The following SLC48A1 variants were observed in gnomAD, a reference collection of about 807,000 sequenced individuals.
SLC48A1 encodes solute carrier family 48 member 1.
In SLC48A1, 6 loss-of-function variants were observed where a neutral mutation model predicts 14.8. The observed-to-expected ratio is 0.41, with a 90% CI of 0.22 to 0.80. SLC48A1 has a LOEUF of 0.80. Ranked by LOEUF, SLC48A1 falls within the 30% of genes least tolerant of loss-of-function variation. The pLI is 0.34. For missense variants in SLC48A1, 165 were observed against 204.8 expected (o/e 0.81, Z 1.19); for synonymous variants, 89 against 90.0 (o/e 0.99, Z 0.06).
chr12:47,767,381 G>A (rs192148014), upstream of SLC48A1, among the ~76,000 whole-genome samples: 1 of 152,180 alleles, frequency 6.6e-6, no homozygotes, highest in South Asian at 2.1e-4. Flanking sequence ...CTTTTCATAT[G>A]TATTGAATAT....
Position 47,782,004 on chromosome 12 carries a change from C to G in SLC48A1, c.*1723C>G, listed in dbSNP as rs1396982377. On this transcript the variant is annotated 3_prime_UTR_variant, in exon 3 of 3. Transcript: ENST00000442218. ...GGTGTCCACACCCGAGAGGCCAGGC[C>G]AGATGGGAAAGGGATTAGCGCCTCT... 6.6e-6 allele frequency: 1 copy of G among 152,438 alleles called. No individual in the cohort carries two copies. 9.4% of individuals were successfully genotyped at this position (152,438 alleles called of 1,614,324 possible).
At chr12:47,761,784 C>T (rs1942386418) in intron 2 of SLC48A1, among the ~76,000 whole-genome samples, 1 of 152,126 alleles carries the variant, frequency 6.6e-6, no homozygotes, top group South Asian at 2.1e-4. Flanking sequence ...CAACATGCAC[C>T]AGGCCCTGTT....
Position 47,779,208 on chromosome 12 carries a change from C to G in SLC48A1, c.304+13C>G. ...ACCCGGCATCAGAGTGAGGGCGGGTCCCAGGGAAAGAGGGCATGGGAGGGA... is the reference window on the plus strand; with the variant it reads ...ACCCGGCATCAGAGTGAGGGCGGGTGCCAGGGAAAGAGGGCATGGGAGGGA... On this transcript the variant is annotated intron_variant, in intron 2 of 2. Coordinates refer to ENST00000442218, the MANE Select transcript of SLC48A1 (RefSeq NM_017842.3). 6.5e-7 allele frequency: 1 copy of G among 1,547,486 alleles called. No individual in the cohort carries two copies. The highest frequency in any genetic ancestry group is 1.2e-5 in the South Asian group (1 of 83,900).
At chr12:47,775,764 A>G (rs896757807) in intron 1 of SLC48A1, among the ~76,000 whole-genome samples, 1 of 152,140 alleles carries the variant, frequency 6.6e-6, no homozygotes, top group Admixed American at 6.5e-5. Flanking sequence ...TCTGGAGCAG[A>G]GTCATGGAGC....
chr12:47,779,178 C>A lies in SLC48A1; in HGVS notation c.287C>A (p.Ala96Asp), dbSNP rs1350088449. The A allele has an allele frequency of 6.4e-7, 1 of 1,551,518 alleles. No homozygotes were observed. The stretch of plus-strand genomic sequence containing the variant: ...GCCTTCTGCACCTTCCTCGTGCTGG[C>A]CATCACCCGGCATCAGAGTGAGGGC... ...IAAFCTFLVLAITRHQSLTDP... is the reference protein window; with the variant it reads ...IAAFCTFLVLDITRHQSLTDP... The change falls in exon 2 of 3, where the codon GCC (alanine) becomes GAC (aspartate). Residue 96 changes from alanine (A) to aspartate (D), a missense_variant. By Grantham distance (126) the Ala-to-Asp change is moderately radical. Coordinates refer to ENST00000442218, the MANE Select transcript of SLC48A1 (RefSeq NM_017842.3).
chr12:47,780,285 AG>A lies in SLC48A1; in HGVS notation c.*9del, dbSNP rs1565783014. ...CAGCATCCTCAGCGATTTCTGACCC[AG>A]GGGGTGAGGTCTCTGCACCCTGGGG... On this transcript the variant is annotated 3_prime_UTR_variant, in exon 3 of 3. Coordinates refer to ENST00000442218, the MANE Select transcript of SLC48A1 (RefSeq NM_017842.3). The A allele has an allele frequency of 1.9e-6, 3 of 1,614,182 alleles. No homozygotes were observed. Among genetic ancestry groups the A allele is most frequent in the Non-Finnish European group, 2.5e-6 (3 of 1,179,994 alleles).
chr12:47,760,989 G>T (rs535372342), intron 2 of SLC48A1, among the ~76,000 whole-genome samples: 1 of 152,288 alleles, frequency 6.6e-6, no homozygotes, highest in East Asian at 1.9e-4. Context: ...ATGAGGTCAG[G>T]AGTTCAAGAC....
chr12:47,768,029 G>A (rs1592600408), upstream of SLC48A1, among the ~76,000 whole-genome samples: 1 of 152,026 alleles, frequency 6.6e-6, no homozygotes, highest in East Asian at 1.9e-4. Flanking sequence ...CCAGGCTGGA[G>A]TTGAGTGGTG....
At chr12:47,767,317 G>C (rs1043894873), upstream of SLC48A1, among the ~76,000 whole-genome samples, 1 of 152,152 alleles carries the variant, frequency 6.6e-6, no homozygotes, top group Non-Finnish European at 1.5e-5. Flanking sequence ...CACAAGGTTG[G>C]GGAAGGCTGC....
chr12:47,757,842 C>T, upstream of SLC48A1: 1 of 1,543,612 alleles, frequency 6.5e-7, no homozygotes, highest in Non-Finnish European at 8.7e-7. Flanking sequence ...GGCCCTGGCA[C>T]CTGGGCAGGT....
At position 47,782,225 on chromosome 12, in the gene SLC48A1, G is replaced by A. The variant is rs952290786; in HGVS notation, c.*1944G>A. 3 of 152,310 alleles carry A rather than the reference G, an allele frequency of 2.0e-5. No individual in the cohort carries two copies. The highest frequency in any genetic ancestry group is 7.2e-5 in the African/African-American group (3 of 41,466). The allele number at this position is 152,310 out of a possible 1,614,324, so 9.4% of individuals were successfully genotyped here. ...ACCCCTTCTCTCTTCTAGGCTCAGT[G>A]TATGCTTAATCAGGCATGGTGCATC... is the stretch of plus-strand genomic sequence containing the variant. On this transcript the variant is annotated 3_prime_UTR_variant, in exon 3 of 3. Coordinates refer to ENST00000442218, the MANE Select transcript of SLC48A1 (RefSeq NM_017842.3).
upstream of SLC48A1, among the ~76,000 whole-genome samples, chr12:47,754,331 G>A (rs949707819): frequency 6.6e-6 from 1 of 152,262 alleles, no homozygotes; most frequent in African/African-American, 2.4e-5. Flanking sequence ...AAACCACTGG[G>A]TTAGACAAAG....
At chr12:47,754,280 T>C (rs1236787755), upstream of SLC48A1, among the ~76,000 whole-genome samples, 1 of 152,228 alleles carries the variant, frequency 6.6e-6, no homozygotes, top group Non-Finnish European at 1.5e-5. Context: ...ACAGTAGAGG[T>C]ATTCTGCCTT....
intron 1 of SLC48A1, among the ~76,000 whole-genome samples, chr12:47,776,532 C>G (rs1942758508): frequency 6.6e-6 from 1 of 152,152 alleles, no homozygotes. Flanking sequence ...GTGGAGAGCT[C>G]CCTTCCCAGG....
chr12:47,765,414 C>CGCTTTGCCT (rs1326815975), intron 2 of SLC48A1, among the ~76,000 whole-genome samples: 3 of 152,348 alleles, frequency 2.0e-5, no homozygotes, highest in African/African-American at 4.8e-5. Flanking sequence ...CTGCTTTAGC[C>CGCTTTGCCT]GCTTTGCCTG....
Position 47,781,312 on chromosome 12 carries a change from C to A in SLC48A1, c.*1031C>A, listed in dbSNP as rs1416733683. 3 of 165,078 alleles carry A rather than the reference C, an allele frequency of 1.8e-5. No homozygotes were observed. The highest frequency in any genetic ancestry group is 2.9e-3 in the Middle Eastern group (1 of 346). 10.2% of individuals were successfully genotyped at this position (165,078 alleles called of 1,614,324 possible). A position where few individuals can be genotyped will look rare whatever the true frequency, so the allele number is the denominator to read the frequency against. On this transcript the variant is annotated 3_prime_UTR_variant, in exon 3 of 3. Coordinates refer to ENST00000442218, the MANE Select transcript of SLC48A1 (RefSeq NM_017842.3). Reference sequence around the variant, plus strand: ...CTGGAAAGAGCCCCCAAACCTGTACCCATGCCCCTCCAGCCCTGCGTTTCC... The same window carrying A: ...CTGGAAAGAGCCCCCAAACCTGTACACATGCCCCTCCAGCCCTGCGTTTCC...
At chr12:47,762,315 G>C (rs1942399912) in intron 2 of SLC48A1, among the ~76,000 whole-genome samples, 1 of 152,156 alleles carries the variant, frequency 6.6e-6, no homozygotes, top group African/African-American at 2.4e-5. Context: ...CACAAGGTGA[G>C]CCCATAGTTT....
upstream of SLC48A1, chr12:47,757,985 C>A (rs746823313): frequency 6.4e-7 from 1 of 1,569,982 alleles, no homozygotes; most frequent in South Asian, 1.2e-5. Context: ...TCCGGCACCA[C>A]GTCAGGGAGG....
chr12:47,780,901 T>C lies in SLC48A1; in HGVS notation c.*620T>C, dbSNP rs757409584. On this transcript the variant is annotated 3_prime_UTR_variant, in exon 3 of 3. Transcript: ENST00000442218. The stretch of plus-strand genomic sequence containing the variant: ...TTTCTTAGCACGCAGTGAGGAATCT[T>C]TGTACTTAAGGCCAGGGCAACAAAG... The C allele has an allele frequency of 3.7e-6, 2 of 533,486 alleles. No individual in the cohort carries two copies. Among genetic ancestry groups the C allele is most frequent in the South Asian group, 2.8e-5 (2 of 71,474 alleles). The allele number at this position is 533,486 out of a possible 1,614,324, so 33.0% of individuals were successfully genotyped here.
Sources: allele counts gnomAD v4.1 joint callset (sites outside exome capture counted in the v4.1 genomes callset), GRCh38; gene constraint gnomAD v4.1.1; transcripts MANE v1.5; gene names NCBI Gene and HGNC (gene_info 2026-07-23, HGNC 2026-07-21).